CSTF3: variants seen among roughly 807,000 people sequenced by gnomAD.
CSTF3 encodes the protein CF-1 77 kDa subunit.
A neutral mutation model predicts 105.8 loss-of-function variants in CSTF3; 29 were observed. That is an observed-to-expected ratio of 0.27 (90% CI 0.20 to 0.37). CSTF3 has a LOEUF of 0.37. CSTF3 is among the 10% of genes least tolerant of loss of function. CSTF3 has a pLI of 1.00. For missense variants in CSTF3, 357 were observed against 879.3 expected (o/e 0.41, Z 7.51); for synonymous variants, 252 against 281.9 (o/e 0.89, Z 1.06).
chr11:33,102,835 T>C (rs1219259874), intron 9 of CSTF3, among the ~76,000 whole-genome samples: 1 of 152,140 alleles, frequency 6.6e-6, no homozygotes, highest in Admixed American at 6.6e-5. Context: ...GGGAAAAGAA[T>C]TACTTCATCA....
chr11:33,135,588 T>G (rs1212814885), intron 3 of CSTF3, among the ~76,000 whole-genome samples: 1 of 152,184 alleles, frequency 6.6e-6, no homozygotes, highest in African/African-American at 2.4e-5. Flanking sequence ...TGTCTTGATT[T>G]AGTTTACTCA....
intron 3 of CSTF3, among the ~76,000 whole-genome samples, chr11:33,129,439 A>AT (rs1209742674): frequency 5.9e-5 from 9 of 151,924 alleles, no homozygotes; most frequent in Admixed American, 5.9e-4. Flanking sequence ...CTATAAAAAT[A>AT]TACAGATGGT....
Position 33,139,835 on chromosome 11 carries a change from A to C in CSTF3, c.225+1832T>G, listed in dbSNP as rs184020624. On this transcript the variant is annotated intron_variant, in intron 3 of 20. Transcript: ENST00000323959. The stretch of plus-strand genomic sequence containing the variant: ...TAGCAGCTCTTCATTTCATTATATG[A>C]ATTGAGCCTGTTATGTAGACAACTT... 1.4e-4 allele frequency among the ~76,000 whole-genome samples: 21 copies of C among 152,130 alleles called. No homozygotes were observed. The East Asian group carries it at 2.1e-3, about 15-fold the overall frequency.
intron 16 of CSTF3, among the ~76,000 whole-genome samples, chr11:33,091,802 G>C (rs1855171892): frequency 6.6e-6 from 1 of 152,024 alleles, no homozygotes; most frequent in Non-Finnish European, 1.5e-5. Flanking sequence ...TCAACCTCCT[G>C]GGCTCAAGCA....
rs111941014 is a variant in CSTF3, at chr11:33,099,898, T to C, written c.827-181A>G. Reference sequence around the variant, plus strand: ...TTCCCTCCATCTATCCATCACTTATTAATTTTTTTTATTTTTGGAAGCAGG... The same window carrying C: ...TTCCCTCCATCTATCCATCACTTATCAATTTTTTTTATTTTTGGAAGCAGG... On this transcript the variant is annotated intron_variant, in intron 10 of 20. Coordinates refer to ENST00000323959, the MANE Select transcript of CSTF3 (RefSeq NM_001326.3). This position sits in a 1 kb window ranked among gnomAD's most constrained non-coding sequence, Gnocchi z 4.1. Among the ~76,000 whole-genome samples the C allele has an allele frequency of 1.3e-5, 2 of 152,170 alleles. No individual in the cohort carries two copies. The highest frequency in any genetic ancestry group is 2.9e-5 in the Non-Finnish European group (2 of 68,026).
Position 33,142,006 on chromosome 11 carries a change from G to C in CSTF3, c.28-20C>G. Reference sequence around the variant, plus strand: ...AGCTGCCTGGGGAAAAAAAACAACAGTGAACTAAAGTTACTGTTTTAAAAA... The same window carrying C: ...AGCTGCCTGGGGAAAAAAAACAACACTGAACTAAAGTTACTGTTTTAAAAA... On this transcript the variant is annotated intron_variant, in intron 1 of 20. Transcript: ENST00000323959. 6.2e-7 allele frequency: 1 copy of C among 1,613,172 alleles called. No homozygotes were observed. Among genetic ancestry groups the C allele is most frequent in the Non-Finnish European group, 8.5e-7 (1 of 1,179,606 alleles).
intron 1 of CSTF3, among the ~76,000 whole-genome samples, chr11:33,157,702 A>C (rs1158882611): frequency 6.6e-6 from 1 of 152,218 alleles, no homozygotes; most frequent in Non-Finnish European, 1.5e-5. Context: ...GACTATCCAT[A>C]TATTTTAGTA....
At chr11:33,123,330 A>AT (rs1855511952) in intron 3 of CSTF3, among the ~76,000 whole-genome samples, 1 of 152,180 alleles carries the variant, frequency 6.6e-6, no homozygotes. Context: ...TTTTTTACTT[A>AT]TAAGTACTGG....
At position 33,148,596 on chromosome 11, in the gene CSTF3, T is replaced by C. The variant is rs146063027; in HGVS notation, c.28-6610A>G. On this transcript the variant is annotated intron_variant, in intron 1 of 20. Coordinates refer to ENST00000323959, the MANE Select transcript of CSTF3 (RefSeq NM_001326.3). ...CTGTAGTCTCACACACTCAGGAGGC[T>C]GAGGTGGGAGAAACGCTTGAACCTG... Among the ~76,000 whole-genome samples the C allele has an allele frequency of 4.2e-4, 64 of 150,840 alleles. No individual in the cohort carries two copies. In the East Asian group the frequency reaches 0.012, roughly 29 times the overall value.
At chr11:33,138,891 T>C (rs1231200028) in intron 3 of CSTF3, among the ~76,000 whole-genome samples, 1 of 151,814 alleles carries the variant, frequency 6.6e-6, no homozygotes, top group East Asian at 1.9e-4. Flanking sequence ...CAGAAGTTTG[T>C]CCTAAATGCC....
At chr11:33,155,386 TA>T (rs35704730) in intron 1 of CSTF3, among the ~76,000 whole-genome samples, 2,259 of 144,428 alleles carry the variant, frequency 0.016, 50 homozygotes, top group African/African-American at 0.053. Context: ...ATAAAAAAAT[TA>T]AAAAAAAAAA....
chr11:33,121,505 C>T (rs1313753944), intron 3 of CSTF3, among the ~76,000 whole-genome samples: 1 of 152,086 alleles, frequency 6.6e-6, no homozygotes, highest in Non-Finnish European at 1.5e-5. Context: ...GTTTGTATTT[C>T]ATTTTACCTC....
Position 33,096,932 on chromosome 11 carries a change from T to C in CSTF3, c.1175A>G (p.Lys392Arg), listed in dbSNP as rs760765425. 1.2e-6 allele frequency: 2 copies of C among 1,612,494 alleles called. No individual in the cohort carries two copies. Among genetic ancestry groups the C allele is most frequent in the South Asian group, 2.2e-5 (2 of 91,060 alleles). ...TTTTTTAAATATCATTCTTCCAGATTTGATGCCTTCTGCTCTCCGTGCAAA... is the reference window on the plus strand; with the variant it reads ...TTTTTTAAATATCATTCTTCCAGATCTGATGCCTTCTGCTCTCCGTGCAAA... ...MKFARRAEGI[K>R]SGRMIFKKAR... Residue 392 changes from lysine to arginine, a missense_variant, in exon 14 of 21, where the codon AAA becomes AGA. Around this residue, in one of 4 missense-constraint regions of CSTF3, gnomAD observed 206 missense variants for 576.5 expected, o/e 0.36. Coordinates refer to ENST00000323959, the MANE Select transcript of CSTF3 (RefSeq NM_001326.3).
At chr11:33,153,745 A>G (rs1590290199) in intron 1 of CSTF3, among the ~76,000 whole-genome samples, 1 of 151,484 alleles carries the variant, frequency 6.6e-6, no homozygotes, top group African/African-American at 2.4e-5. Context: ...CTCTTTCTCC[A>G]AATAGCTACT....
In CSTF3 at chr11:33,109,685, C is replaced by T. The variant is rs145411333; in HGVS notation, c.226-1267G>A. Among the ~76,000 whole-genome samples the T allele has an allele frequency of 1.8e-4, 27 of 152,316 alleles. No individual in the cohort carries two copies. The East Asian group carries it at 4.8e-3, about 27-fold the overall frequency. On this transcript the variant is annotated intron_variant, in intron 3 of 20. Transcript: ENST00000323959. ...AGAATATTGCCTAGCAGGTTGAGCA[C>T]TGAGTAATTATCATTTACTTTTATT...
intron 17 of CSTF3, 47 bp from the exon 18 acceptor site, chr11:33,087,188 T>C (rs769077212): frequency 6.3e-7 from 1 of 1,593,180 alleles, no homozygotes; most frequent in South Asian, 1.1e-5. Flanking sequence ...AAGGGACTAC[T>C]AGAGAATAAT....
intron 3 of CSTF3, among the ~76,000 whole-genome samples, chr11:33,110,750 T>A (rs111597430): frequency 9.7e-4 from 148 of 152,250 alleles, no homozygotes; most frequent in African/African-American, 3.5e-3. Context: ...TAAAAACCAT[T>A]AGAATGGCAA....
At chr11:33,091,037 T>G (rs938643147) in intron 16 of CSTF3, among the ~76,000 whole-genome samples, 2 of 152,200 alleles carry the variant, frequency 1.3e-5, no homozygotes, top group African/African-American at 4.8e-5. Context: ...GTATAGCTGC[T>G]GCTTCTTTGT....
At chr11:33,143,103 T>C (rs1855734113) in intron 1 of CSTF3, among the ~76,000 whole-genome samples, 4 of 152,170 alleles carry the variant, frequency 2.6e-5, no homozygotes, top group African/African-American at 9.6e-5. Flanking sequence ...CTTATTTCGA[T>C]GTAAAGAAAT....
Sources: allele counts gnomAD v4.1 joint callset (sites outside exome capture counted in the v4.1 genomes callset), GRCh38; gene constraint gnomAD v4.1.1; regional missense constraint gnomAD v4.1.1; non-coding constraint Gnocchi (gnomAD v3.1); transcripts MANE v1.5; gene names NCBI Gene and HGNC (gene_info 2026-07-23, HGNC 2026-07-21).